The following DERL1 variants were observed in gnomAD, a reference collection of about 807,000 sequenced individuals.
DERL1 encodes derlin-1.
Under a neutral mutation model 41.6 loss-of-function variants are expected in DERL1, and 24 were observed. That is an observed-to-expected ratio of 0.58 (90% CI 0.42 to 0.81). The LOEUF (loss-of-function observed/expected upper bound fraction) is 0.81, where lower values mean the gene tolerates loss of function less well. Among genes scored for constraint, DERL1 ranks in the 30% least tolerant of loss-of-function variants. The probability of loss-of-function intolerance (pLI) is 0.00; values close to 1 mark genes in which losing one functional copy is unlikely to be tolerated. For synonymous variants in DERL1, 124 were observed against 112.5 expected, an observed-to-expected ratio of 1.10 and a Z score of -0.65; for missense variants, 260 against 314.3, an observed-to-expected ratio of 0.83 and a Z score of 1.31.
rs1275151644 is a variant in DERL1 at position 123,015,312 on chromosome 8, A to G, written c.*135T>C. The G allele has an allele frequency of 7.6e-6, 9 of 1,185,234 alleles. No individual in the cohort carries two copies. Among genetic ancestry groups the G allele is most frequent in the Non-Finnish European group, 1.0e-5 (9 of 881,642 alleles). The allele number at this position is 1,185,234 out of a possible 1,614,324, so 73.4% of individuals were successfully genotyped here. A position where few individuals can be genotyped will look rare whatever the true frequency, so the allele number is the denominator to read the frequency against. On this transcript the variant is annotated 3_prime_UTR_variant, in exon 8 of 8. Transcript: ENST00000259512. ...TTATATTTTTCTTCGGGATTTAAGA[A>G]ACTTTGTCTCGTACTGAAAGACTAC...
At chr8:123,039,187 C>A (rs1362688590) in intron 1 of DERL1, among the ~76,000 whole-genome samples, 1 of 152,286 alleles carries the variant, frequency 6.6e-6, no homozygotes, top group East Asian at 1.9e-4. Flanking sequence ...TCTCTGGCCT[C>A]CTAACTGGAT....
In DERL1 at chr8:123,042,179, C is replaced by A. The variant is rs926543422; in HGVS notation, c.-57G>T. 1 of 1,516,924 alleles carries A rather than the reference C, an allele frequency of 6.6e-7. No individual in the cohort carries two copies. The highest frequency in any genetic ancestry group is 2.0e-5 in the Admixed American group (1 of 50,782). The allele number at this position is 1,516,924 out of a possible 1,614,324, so 94.0% of individuals were successfully genotyped here. ...ACCGCCCGACTCCCCGTGCCGACCC[C>A]CTCACGACGCGGCCGGCTCCGCGAC... On this transcript the variant is annotated 5_prime_UTR_variant, in exon 1 of 8. Coordinates refer to ENST00000259512, the MANE Select transcript of DERL1 (RefSeq NM_024295.6).
At chr8:123,033,849 C>A (rs953518873) in intron 1 of DERL1, among the ~76,000 whole-genome samples, 3 of 152,148 alleles carry the variant, frequency 2.0e-5, no homozygotes, top group African/African-American at 7.2e-5. Flanking sequence ...TGGCTGGCAC[C>A]CCCACCAGAA....
At chr8:123,041,709 G>A (rs1214947974) in intron 1 of DERL1, among the ~76,000 whole-genome samples, 9 of 152,176 alleles carry the variant, frequency 5.9e-5, no homozygotes, top group African/African-American at 2.2e-4. Flanking sequence ...CACTGAGTGC[G>A]AAGAGCGGGA....
At chr8:123,019,787 G>A (rs1586458861) in intron 6 of DERL1, among the ~76,000 whole-genome samples, 1 of 152,068 alleles carries the variant, frequency 6.6e-6, no homozygotes, top group Non-Finnish European at 1.5e-5. Flanking sequence ...TTGTATCCTT[G>A]AGTGTAAGAC....
At chr8:123,026,010 A>G (rs1812679801) in intron 2 of DERL1, among the ~76,000 whole-genome samples, 1 of 152,206 alleles carries the variant, frequency 6.6e-6, no homozygotes, top group African/African-American at 2.4e-5. Context: ...AAATGACTGT[A>G]AGATCACTCT....
chr8:123,018,180 T>C, intron 7 of DERL1: 1 of 152,206 alleles, frequency 6.6e-6, no homozygotes, highest in Non-Finnish European at 1.5e-5. Flanking sequence ...TTGGTTTGTT[T>C]GTTTTTTTAA....
intron 7 of DERL1, chr8:123,017,574 G>T (rs1394877632): frequency 6.6e-6 from 1 of 152,168 alleles, no homozygotes; most frequent in Admixed American, 6.5e-5. Context: ...GCTTTTGCAA[G>T]GAGCTGTATT....
At chr8:123,041,875 A>G in intron 1 of DERL1, 95 bp downstream of exon 1, 1 of 1,436,218 alleles carries the variant, frequency 7.0e-7, no homozygotes, top group Non-Finnish European at 9.2e-7. Context: ...AAATCCCAGC[A>G]GGCACCGCGC....
intron 1 of DERL1, among the ~76,000 whole-genome samples, chr8:123,035,376 A>T (rs1319036601): frequency 6.6e-6 from 1 of 152,242 alleles, no homozygotes; most frequent in Non-Finnish European, 1.5e-5. Context: ...GGAAATCCCC[A>T]TTGTAAGTAT....
intron 2 of DERL1, among the ~76,000 whole-genome samples, chr8:123,029,818 G>C (rs1812782151): frequency 6.6e-6 from 1 of 152,124 alleles, no homozygotes; most frequent in Non-Finnish European, 1.5e-5. Context: ...CCAGCACTTT[G>C]GGAGGCTGAG....
intron 6 of DERL1, among the ~76,000 whole-genome samples, chr8:123,020,044 T>C (rs893712945): frequency 6.6e-6 from 1 of 152,246 alleles, no homozygotes; most frequent in Admixed American, 6.5e-5. Flanking sequence ...TGCTTTGCTC[T>C]AAACAGTCTG....
At chr8:123,031,153 A>C (rs1812809057) in intron 1 of DERL1, among the ~76,000 whole-genome samples, 3 of 152,208 alleles carry the variant, frequency 2.0e-5, no homozygotes, top group Non-Finnish European at 2.9e-5. Context: ...GTAAAACAAC[A>C]ATTTTTTATT....
intron 1 of DERL1, among the ~76,000 whole-genome samples, chr8:123,037,058 T>C (rs923111857): frequency 6.6e-6 from 1 of 152,192 alleles, no homozygotes; most frequent in Non-Finnish European, 1.5e-5. Context: ...TACATTTCAA[T>C]TGCAATTACT....
chr8:123,039,208 G>T (rs1812993741), intron 1 of DERL1, among the ~76,000 whole-genome samples: 1 of 152,002 alleles, frequency 6.6e-6, no homozygotes, highest in Non-Finnish European at 1.5e-5. Context: ...TCATCTCTCT[G>T]ATCTCATCAC....
chr8:123,035,336 T>G (rs1217072433), intron 1 of DERL1, among the ~76,000 whole-genome samples: 1 of 152,252 alleles, frequency 6.6e-6, no homozygotes, highest in Non-Finnish European at 1.5e-5. Flanking sequence ...ACAGCTTATC[T>G]CTTTAGAAGG....
At chr8:123,030,333 C>A (rs1812794451) in intron 2 of DERL1, 1 of 279,810 alleles carries the variant, frequency 3.6e-6, no homozygotes, top group Admixed American at 5.7e-5. Context: ...AGCTCAGCCA[C>A]TAAGGAGATG....
chr8:123,019,317 G>A lies in DERL1; in HGVS notation c.507-12C>T, dbSNP rs550573125. On this transcript the variant is annotated splice_polypyrimidine_tract_variant and intron_variant, in intron 6 of 7. Transcript: ENST00000259512. The stretch of plus-strand genomic sequence containing the variant: ...GCTCATTGATTACCCTGCAAAGAGA[G>A]CCAAATGAGTTTAAAGACATTCAAG... The A allele has an allele frequency of 2.3e-5, 36 of 1,575,098 alleles. No homozygotes were observed. The highest frequency in any genetic ancestry group is 2.9e-5 in the Non-Finnish European group (33 of 1,145,400).
At chr8:123,040,095 T>C (rs186064272) in intron 1 of DERL1, among the ~76,000 whole-genome samples, 4 of 152,290 alleles carry the variant, frequency 2.6e-5, no homozygotes, top group African/African-American at 9.6e-5. Flanking sequence ...TGTGCACCTG[T>C]AATTCCAGCT....
Sources: gnomAD v4.1 joint callset for allele counts (sites outside exome capture counted in the v4.1 genomes callset) on GRCh38, gnomAD v4.1.1 for gene constraint, MANE v1.5 for transcripts, NCBI Gene and HGNC (gene_info 2026-07-23, HGNC 2026-07-21) for gene names.